ETV7: variants seen among roughly 807,000 people sequenced by gnomAD.
ETV7 encodes the protein transcription factor ETV7.
In ETV7, 43 loss-of-function variants were observed where a neutral mutation model predicts 39.1. The observed-to-expected ratio is 1.10, with a 90% confidence interval of 0.86 to 1.42. The LOEUF (loss-of-function observed/expected upper bound fraction) is 1.42. Among genes scored for constraint, ETV7 ranks in the 40% most tolerant of loss-of-function variants. The probability of loss-of-function intolerance (pLI) is 0.00; values close to 1 mark genes in which losing one functional copy is unlikely to be tolerated. For missense variants in ETV7, 432 were observed against 442.3 expected (o/e 0.98, Z 0.21); for synonymous variants, 196 against 176.6 (o/e 1.11, Z -0.87).
At chr6:36,355,025 A>G (rs1179502280) in intron 7 of ETV7, among the ~76,000 whole-genome samples, 4 of 152,226 alleles carry the variant, frequency 2.6e-5, no homozygotes, top group East Asian at 1.9e-4. Flanking sequence ...ATTAGTTCTC[A>G]TAGTTTTTTT....
chr6:36,363,592 C>A (rs1772605726), downstream of ETV7, among the ~76,000 whole-genome samples: 1 of 152,242 alleles, frequency 6.6e-6, no homozygotes, highest in Admixed American at 6.5e-5. Flanking sequence ...ACAAAGCTCC[C>A]ACGGTGTCAA....
intron 7 of ETV7, among the ~76,000 whole-genome samples, chr6:36,361,123 G>T (rs766884457): frequency 2.0e-5 from 3 of 152,184 alleles, no homozygotes; most frequent in Non-Finnish European, 2.9e-5. Flanking sequence ...AAAAAATCAA[G>T]ATCACGATTA....
chr6:36,357,147 C>G (rs1323135263), intron 7 of ETV7, among the ~76,000 whole-genome samples: 1 of 152,096 alleles, frequency 6.6e-6, no homozygotes, highest in Non-Finnish European at 1.5e-5. Flanking sequence ...ATACCATTTG[C>G]CACTGAGAGG....
At chr6:36,380,517 A>C (rs1330858489) in intron 2 of ETV7, among the ~76,000 whole-genome samples, 1 of 152,192 alleles carries the variant, frequency 6.6e-6, no homozygotes, top group Non-Finnish European at 1.5e-5. Context: ...TGTCCAGGAC[A>C]CAATTGGAGG....
In ETV7 at chr6:36,385,656, G is replaced by A; in HGVS notation, c.20C>T (p.Ala7Val). The A allele has an allele frequency of 6.2e-7, 1 of 1,612,840 alleles. No individual in the cohort carries two copies. Among genetic ancestry groups the A allele is most frequent in the Non-Finnish European group, 8.5e-7 (1 of 1,179,442 alleles). ...TGCCACAGGGCTTATAGGAGAAATA[G>A]CCAATTCTCCCTCCTAGAGAGAGAA... Reference protein sequence around the residue: MQEGELAISPISPVAAM... With the variant: MQEGELVISPISPVAAM... The change falls in exon 2 of 8, where the codon GCT (alanine) becomes GTT (valine). Residue 7 changes from alanine (A) to valine (V), a missense_variant. By Grantham distance (64) the Ala-to-Val change is moderately conservative (BLOSUM62 0). Transcript: ENST00000340181.
chr6:36,366,397 G>T lies in ETV7; in HGVS notation c.*248C>A, dbSNP rs1034429419. On this transcript the variant is annotated 3_prime_UTR_variant, in exon 8 of 8. Transcript: ENST00000340181. ...CGGTGCCTGGCTTCCTCTCCCAGGG[G>T]TGCAGTAGGGGAGAGTCCATTCCCC... 3.8e-6 allele frequency: 5 copies of T among 1,328,562 alleles called. No homozygotes were observed. The African/African-American group carries it at 5.9e-5, about 16-fold the overall frequency. 82.3% of individuals were successfully genotyped at this position (1,328,562 alleles called of 1,614,324 possible). A position where few individuals can be genotyped will look rare whatever the true frequency, so the allele number is the denominator to read the frequency against.
In ETV7 at chr6:36,387,584, G is replaced by T; in HGVS notation, c.-43C>A. On this transcript the variant is annotated 5_prime_UTR_variant, in exon 1 of 8. Coordinates refer to ENST00000340181, the MANE Select transcript of ETV7 (RefSeq NM_016135.4). ...AAGCCACCGGCTTTCTGTCTTGAGC[G>T]CTCCCCTGGCTGTGGCTGCTGGGGC... 1 of 1,612,702 alleles carries T rather than the reference G, an allele frequency of 6.2e-7. No homozygotes were observed.
At chr6:36,365,194 C>A (rs1425916900), downstream of ETV7, among the ~76,000 whole-genome samples, 1 of 152,220 alleles carries the variant, frequency 6.6e-6, no homozygotes, top group Non-Finnish European at 1.5e-5. Context: ...CCTTCTCCTT[C>A]TACCTGAGCT....
At chr6:36,365,097 G>C (rs1772668841), downstream of ETV7, among the ~76,000 whole-genome samples, 1 of 152,208 alleles carries the variant, frequency 6.6e-6, no homozygotes, top group Non-Finnish European at 1.5e-5. Context: ...CTGACCGGCT[G>C]GGGGCAAGAG....
intron 6 of ETV7, among the ~76,000 whole-genome samples, chr6:36,367,457 G>GAAGGAAGGAAGGAAGGCGA (rs1175690870): frequency 1.1e-3 from 169 of 151,094 alleles, no homozygotes; most frequent in Non-Finnish European, 2.3e-3. Context: ...AGAAAGAAAG[G>GAAGGAAGGAAGGAAGGCGA]AAGGAAGGAA....
At chr6:36,375,085 G>C (rs970805082) in intron 3 of ETV7, among the ~76,000 whole-genome samples, 1 of 128,272 alleles carries the variant, frequency 7.8e-6, no homozygotes, top group Non-Finnish European at 1.7e-5. Context: ...AAAAAAAAAA[G>C]AACTTGGGAT....
At chr6:36,359,861 G>T (rs940886848) in intron 7 of ETV7, among the ~76,000 whole-genome samples, 1 of 152,012 alleles carries the variant, frequency 6.6e-6, no homozygotes, top group South Asian at 2.1e-4. Flanking sequence ...GAAGGGTGGT[G>T]TAACTAAAGC....
chr6:36,377,403 G>A (rs6928048), intron 2 of ETV7, among the ~76,000 whole-genome samples: 63,699 of 152,040 alleles, frequency 0.42, 14,379 homozygotes, highest in Non-Finnish European at 0.51. Flanking sequence ...GGAGGTCACA[G>A]TGAACCATCA....
rs114834087 is a variant in ETV7 at position 36,380,888 on chromosome 6, G to A, written c.142+4646C>T. ...AGCCCCTGACTCCCACCCCGACCCCGACTGGACCTCTCTTCCCACAGCATC... is the reference window on the plus strand; with the variant it reads ...AGCCCCTGACTCCCACCCCGACCCCAACTGGACCTCTCTTCCCACAGCATC... On this transcript the variant is annotated intron_variant, in intron 2 of 7. Coordinates refer to ENST00000340181, the MANE Select transcript of ETV7 (RefSeq NM_016135.4). 6.5e-3 allele frequency among the ~76,000 whole-genome samples: 829 copies of A among 127,048 alleles called. 5 individuals are homozygous for A. The highest frequency in any genetic ancestry group is 0.024 in the African/African-American group (784 of 33,332). The allele number at this position is 127,048 out of a possible 152,430, so 83.3% of individuals were successfully genotyped here. A position where few individuals can be genotyped will look rare whatever the true frequency, so the allele number is the denominator to read the frequency against.
chr6:36,381,148 ACCTTGCAGGATCC>A (rs1420798510), intron 2 of ETV7, among the ~76,000 whole-genome samples: 3 of 152,214 alleles, frequency 2.0e-5, no homozygotes, highest in South Asian at 2.1e-4. Flanking sequence ...GCTTCTCCCT[ACCTTGCAGGATCC>A]CCTTGCAGGA....
At chr6:36,376,369 C>T (rs902119862) in intron 2 of ETV7, among the ~76,000 whole-genome samples, 4 of 152,218 alleles carry the variant, frequency 2.6e-5, no homozygotes, top group African/African-American at 7.2e-5. Context: ...CTGGACTAGG[C>T]GTGCTGGAGC....
intron 2 of ETV7, among the ~76,000 whole-genome samples, chr6:36,383,445 C>T (rs561445921): frequency 6.6e-6 from 1 of 152,318 alleles, no homozygotes; most frequent in East Asian, 1.9e-4. Context: ...CTTCCGTGCT[C>T]CTCTTAGCAT....
downstream of ETV7, among the ~76,000 whole-genome samples, chr6:36,364,922 C>G (rs1404680736): frequency 6.6e-6 from 1 of 152,186 alleles, no homozygotes; most frequent in African/African-American, 2.4e-5. Flanking sequence ...ACCTGCCTGC[C>G]CCCCTGCCGG....
chr6:36,362,574 C>T (rs368443139), downstream of ETV7, among the ~76,000 whole-genome samples: 11 of 152,140 alleles, frequency 7.2e-5, no homozygotes, highest in East Asian at 5.8e-4. Context: ...ACCTGGTGCC[C>T]GGTACAGAGC....
Sources: allele counts gnomAD v4.1 joint callset (sites outside exome capture counted in the v4.1 genomes callset), GRCh38; gene constraint gnomAD v4.1.1; transcripts MANE v1.5; gene names NCBI Gene and HGNC (gene_info 2026-07-23, HGNC 2026-07-21).